The following AP3B1 variants were observed in gnomAD, a reference collection of about 807,000 sequenced individuals.
The protein encoded by AP3B1 is AP-3 complex subunit beta-1.
Under a neutral mutation model 132.5 loss-of-function variants are expected in AP3B1, and 61 were observed. The observed-to-expected ratio is 0.46, with a 90% CI of 0.37 to 0.57. The LOEUF (loss-of-function observed/expected upper bound fraction) is 0.57, where lower values mean the gene tolerates loss of function less well. Among genes scored for constraint, AP3B1 ranks in the 20% least tolerant of loss-of-function variants. The pLI is 0.00. For synonymous variants in AP3B1, 388 were observed against 438.3 expected, an observed-to-expected ratio of 0.89 and a Z score of 1.43; for missense variants, 1,120 against 1,289.4, an observed-to-expected ratio of 0.87 and a Z score of 2.01.
chr5:78,245,733 C>T (rs773998331), intron 2 of AP3B1, among the ~76,000 whole-genome samples: 1 of 152,128 alleles, frequency 6.6e-6, no homozygotes, highest in Non-Finnish European at 1.5e-5. Flanking sequence ...GTTCCTGGTC[C>T]CCTTGTACTC....
chr5:78,089,454 G>A lies in AP3B1; in HGVS notation c.2516C>T (p.Ser839Phe). Residue 839 changes from serine (S) to phenylalanine (F), a missense_variant, in exon 22 of 27, where the codon TCT becomes TTT. Physicochemically the swap from Ser to Phe is radical, Grantham distance 155 (BLOSUM62 -2). Transcript: ENST00000255194. ...TTCAAGATCAGCCATCAAACTTGGA[G>A]AAAGAGCTGGTGTGGGAAGTGCAAC... is the stretch of plus-strand genomic sequence containing the variant. ...TPVALPTPAL[S>F]PSLMADLEGL... is the part of the protein sequence containing the mutation. 1 of 1,613,502 alleles carries A rather than the reference G, an allele frequency of 6.2e-7. No homozygotes were observed. Among genetic ancestry groups the A allele is most frequent in the Non-Finnish European group, 8.5e-7 (1 of 1,179,512 alleles).
At position 78,240,812 on chromosome 5, in the gene AP3B1, G is replaced by A. The variant is rs761462517; in HGVS notation, c.279+50C>T. On this transcript the variant is annotated intron_variant, in intron 3 of 26. Transcript: ENST00000255194. Reference sequence around the variant, plus strand: ...GCATTATACTACATAAAAAGTGTACGGTCCCATGAAAACAAAAGGAATCAT... The same window carrying A: ...GCATTATACTACATAAAAAGTGTACAGTCCCATGAAAACAAAAGGAATCAT... 26 of 1,257,854 alleles carry A rather than the reference G, an allele frequency of 2.1e-5. 1 individual carries two copies. Among genetic ancestry groups the A allele is most frequent in the East Asian group, 1.9e-4 (8 of 43,078 alleles). 77.9% of individuals were successfully genotyped at this position (1,257,854 alleles called of 1,614,324 possible). A position where few individuals can be genotyped will look rare whatever the true frequency, so the allele number is the denominator to read the frequency against.
Position 78,087,813 on chromosome 5 carries a change from C to T in AP3B1, c.2577+1580G>A, listed in dbSNP as rs538992978. ...TATTAATAAAGTAGAAGAGTCTACA[C>T]TCAGAGTCCATTATCACATATCGTA... On this transcript the variant is annotated intron_variant, in intron 22 of 26. Transcript: ENST00000255194. 26 of 477,742 alleles carry T rather than the reference C, an allele frequency of 5.4e-5. 1 individual carries two copies. In the South Asian group the frequency reaches 2.0e-3, roughly 37 times the overall value. The allele number at this position is 477,742 out of a possible 1,614,324, so 29.6% of individuals were successfully genotyped here.
chr5:78,162,532 T>C (rs1473385553), intron 13 of AP3B1, among the ~76,000 whole-genome samples: 1 of 152,110 alleles, frequency 6.6e-6, no homozygotes, highest in Non-Finnish European at 1.5e-5. Flanking sequence ...GTGGAAAAGA[T>C]ACAATCAAGG....
At chr5:78,258,959 C>T (rs1259228301) in intron 2 of AP3B1, among the ~76,000 whole-genome samples, 7 of 152,170 alleles carry the variant, frequency 4.6e-5, no homozygotes, top group South Asian at 2.1e-4. Flanking sequence ...AACATCTGGC[C>T]GGGCACGGTG....
intron 6 of AP3B1, among the ~76,000 whole-genome samples, chr5:78,224,187 T>C (rs1451800513): frequency 6.6e-6 from 1 of 152,124 alleles, no homozygotes; most frequent in Non-Finnish European, 1.5e-5. Flanking sequence ...CTTTTCTCTA[T>C]CTTCATTTAT....
intron 22 of AP3B1, among the ~76,000 whole-genome samples, chr5:78,082,027 CT>C (rs1303154681): frequency 6.6e-6 from 1 of 152,152 alleles, no homozygotes; most frequent in Non-Finnish European, 1.5e-5. Context: ...AGCAATAATC[CT>C]TTCTGTACAA....
At chr5:78,201,763 T>C (rs565519511) in intron 7 of AP3B1, among the ~76,000 whole-genome samples, 2 of 152,198 alleles carry the variant, frequency 1.3e-5, no homozygotes, top group African/African-American at 4.8e-5. Context: ...CAGAGAGACA[T>C]CCAAGGAGAT....
At chr5:78,151,473 TATG>T (rs1753647206) in intron 14 of AP3B1, among the ~76,000 whole-genome samples, 1 of 152,186 alleles carries the variant, frequency 6.6e-6, no homozygotes. Context: ...CCCCATTCAG[TATG>T]ATACTAACTG....
rs757825991 is a variant in AP3B1, at chr5:78,116,194, T to G, written c.2009A>C (p.Asn670Thr). Reference sequence around the variant, plus strand: ...TTCAGAATAAAACTTCTTAGCAGAATTCTCTTGCTTTGCTTTTCCTGCTGG... The same window carrying G: ...TTCAGAATAAAACTTCTTAGCAGAAGTCTCTTGCTTTGCTTTTCCTGCTGG... ...WTPAGKAKQE[N>T]SAKKFYSESE... is the part of the protein sequence containing the mutation. The change falls in exon 18 of 27, where the codon AAT (asparagine) becomes ACT (threonine). Residue 670 changes from asparagine (N) to threonine (T), a missense_variant. Transcript: ENST00000255194. The G allele has an allele frequency of 3.7e-6, 6 of 1,613,830 alleles. No individual in the cohort carries two copies. Among genetic ancestry groups the G allele is most frequent in the East Asian group, 2.2e-5 (1 of 44,824 alleles).
chr5:78,157,667 G>C (rs2112359681), intron 13 of AP3B1, among the ~76,000 whole-genome samples: 1 of 152,144 alleles, frequency 6.6e-6, no homozygotes, highest in South Asian at 2.1e-4. Context: ...TATTAATAGG[G>C]CTTCATGGCT....
intron 17 of AP3B1, among the ~76,000 whole-genome samples, chr5:78,123,318 A>C (rs548199929): frequency 1.3e-5 from 2 of 152,374 alleles, no homozygotes; most frequent in East Asian, 3.9e-4. Context: ...CACCAAAAGC[A>C]ATGGTAACAA....
chr5:78,052,155 T>C (rs1292429020), intron 22 of AP3B1, among the ~76,000 whole-genome samples: 4 of 152,224 alleles, frequency 2.6e-5, no homozygotes, highest in Non-Finnish European at 5.9e-5. Context: ...CTTATGTATA[T>C]AAATTTTGAT....
At chr5:78,036,065 A>G (rs192866805) in intron 23 of AP3B1, among the ~76,000 whole-genome samples, 18 of 152,208 alleles carry the variant, frequency 1.2e-4, no homozygotes, top group Non-Finnish European at 1.9e-4. Flanking sequence ...ATCTCCCTTC[A>G]TCATGTATCT....
chr5:78,162,042 C>T (rs1409650440), intron 13 of AP3B1, among the ~76,000 whole-genome samples: 2 of 151,878 alleles, frequency 1.3e-5, no homozygotes, highest in Non-Finnish European at 2.9e-5. Context: ...AAAATAATTT[C>T]AATGATTTTA....
chr5:78,293,703 A>G (rs1210745158), intron 1 of AP3B1, among the ~76,000 whole-genome samples: 1 of 151,896 alleles, frequency 6.6e-6, no homozygotes, highest in Non-Finnish European at 1.5e-5. Flanking sequence ...TGTAACCACT[A>G]CCACCAACCC....
chr5:78,211,888 T>TA (rs1406597380), intron 7 of AP3B1, among the ~76,000 whole-genome samples: 1 of 152,266 alleles, frequency 6.6e-6, no homozygotes, highest in Admixed American at 6.5e-5. Flanking sequence ...TAATTAATAT[T>TA]GTCTTAAGTG....
In AP3B1 at chr5:78,247,065, T is replaced by C. The variant is rs552756127; in HGVS notation, c.205-6129A>G. ...TGACTTTTACTTTGACTTTGACTCA[T>C]GGATCATGTCATCATTTCTAAATGT... On this transcript the variant is annotated intron_variant, in intron 2 of 26. Coordinates refer to ENST00000255194, the MANE Select transcript of AP3B1 (RefSeq NM_003664.5). Among the ~76,000 whole-genome samples, 17 of 152,042 alleles carry C rather than the reference T, an allele frequency of 1.1e-4. No homozygotes were observed. The East Asian group carries it at 3.3e-3, about 29-fold the overall frequency.
In AP3B1 at chr5:78,058,361, G is replaced by A. The variant is rs570931668; in HGVS notation, c.2578-19087C>T. 5.3e-5 allele frequency among the ~76,000 whole-genome samples: 8 copies of A among 152,144 alleles called. No individual in the cohort carries two copies. The East Asian group carries it at 1.4e-3, about 26-fold the overall frequency. ...CTAAAAATACAAAAATTAGCCAGGC[G>A]TGGTGGCAGGCACCTGTAACCCCAG... On this transcript the variant is annotated intron_variant, in intron 22 of 26. Coordinates refer to ENST00000255194, the MANE Select transcript of AP3B1 (RefSeq NM_003664.5).
Sources: gnomAD v4.1 joint callset for allele counts (sites outside exome capture counted in the v4.1 genomes callset) on GRCh38, gnomAD v4.1.1 for gene constraint, MANE v1.5 for transcripts, NCBI Gene and HGNC (gene_info 2026-07-23, HGNC 2026-07-21) for gene names.